The following EHD3 variants were observed in gnomAD, a reference collection of about 807,000 sequenced individuals.
The protein encoded by EHD3 is EH domain-containing protein 3.
EHD3 carries 17 observed loss-of-function variants against 43.0 expected under a neutral mutation model. That is an observed-to-expected ratio of 0.40 (90% confidence interval 0.27 to 0.59). The LOEUF is 0.59. Among genes scored for constraint, EHD3 ranks in the 20% least tolerant of loss-of-function variants. EHD3 has a pLI of 0.49. For missense variants in EHD3, 594 were observed against 705.6 expected, an observed-to-expected ratio of 0.84 and a Z score of 1.79; for synonymous variants, 313 against 289.5, an observed-to-expected ratio of 1.08 and a Z score of -0.82.
At chr2:31,265,422 A>G (rs894641242) in intron 5 of EHD3, among the ~76,000 whole-genome samples, 30 of 152,214 alleles carry the variant, frequency 2.0e-4, no homozygotes, top group African/African-American at 7.2e-4. Flanking sequence ...ACCAGGCAAC[A>G]GGAATTTCCC....
chr2:31,258,318 T>C (rs919554450), intron 3 of EHD3, among the ~76,000 whole-genome samples: 11 of 152,046 alleles, frequency 7.2e-5, no homozygotes, highest in Admixed American at 7.2e-4. Flanking sequence ...GACCGTCTGA[T>C]CCCATCCCCC....
chr2:31,267,205 G>A lies in EHD3; in HGVS notation c.*501G>A, dbSNP rs1408455166. 6.5e-6 allele frequency: 1 copy of A among 154,802 alleles called. No individual in the cohort carries two copies. The highest frequency in any genetic ancestry group is 1.9e-4 in the East Asian group (1 of 5,252). 9.6% of individuals were successfully genotyped at this position (154,802 alleles called of 1,614,324 possible). ...TCTGAGGGCAGGCGGGCAGCTGCAG[G>A]GAGGAGAGGTGAGAAAGGAAGCGTC... On this transcript the variant is annotated 3_prime_UTR_variant, in exon 6 of 6. Coordinates refer to ENST00000322054, the MANE Select transcript of EHD3 (RefSeq NM_014600.3).
intron 1 of EHD3, among the ~76,000 whole-genome samples, chr2:31,239,847 C>CTA (rs72026689): frequency 1.4e-4 from 1 of 7,096 alleles, no homozygotes; most frequent in African/African-American, 2.3e-3. Context: ...CTCGAGCTGA[C>CTA]TCTAACAGGA....
intron 5 of EHD3, 80 bp downstream of exon 5, chr2:31,261,793 T>C (rs959790592): frequency 1.3e-6 from 2 of 1,532,410 alleles, no homozygotes; most frequent in East Asian, 2.3e-5. Context: ...AGGAGGCCAC[T>C]CTTGGAGCCC....
At chr2:31,254,051 C>T (rs946026891) in intron 3 of EHD3, among the ~76,000 whole-genome samples, 4 of 152,182 alleles carry the variant, frequency 2.6e-5, no homozygotes, top group Admixed American at 6.5e-5. Flanking sequence ...TCACAGACTG[C>T]ACAGCTTGAA....
At chr2:31,251,752 G>T (rs1251423863) in intron 3 of EHD3, among the ~76,000 whole-genome samples, 2 of 152,158 alleles carry the variant, frequency 1.3e-5, no homozygotes, top group Non-Finnish European at 2.9e-5. Context: ...CTTCCAGCCA[G>T]CACGCACGCT....
At chr2:31,237,917 T>C (rs1015400943) in intron 1 of EHD3, among the ~76,000 whole-genome samples, 2 of 152,228 alleles carry the variant, frequency 1.3e-5, no homozygotes, top group African/African-American at 4.8e-5. Flanking sequence ...TTAGGCTATT[T>C]CTAATTTTTT....
intron 1 of EHD3, among the ~76,000 whole-genome samples, chr2:31,244,048 AAAGAT>A (rs1161646020): frequency 6.6e-6 from 1 of 152,180 alleles, no homozygotes; most frequent in Non-Finnish European, 1.5e-5. Context: ...AGAAAGGGAA[AAAGAT>A]AAGGACCAAA....
At chr2:31,256,282 T>A (rs889136520) in intron 3 of EHD3, among the ~76,000 whole-genome samples, 1 of 152,208 alleles carries the variant, frequency 6.6e-6, no homozygotes, top group Admixed American at 6.5e-5. Context: ...AGGTCACAGC[T>A]CAGCAGTTTC....
rs758488379 is a variant in EHD3, at chr2:31,266,508, T to C, written c.1412T>C (p.Met471Thr). The change falls in exon 6 of 6, where the codon ATG becomes ACG. Residue 471 changes from methionine to threonine, a missense_variant. By Grantham distance (81) the Met-to-Thr change is moderately conservative (BLOSUM62 -1). Transcript: ENST00000322054. This position sits in a 1 kb window ranked among gnomAD's most constrained non-coding sequence, Gnocchi z 5.1. The stretch of plus-strand genomic sequence containing the variant: ...ACAGGCGCTAATGCCAAGAAGGAGA[T>C]GGTGCGCTCCAAGCTGCCCAACAGT... The part of the protein sequence containing the change: ...KITGANAKKE[M>T]VRSKLPNSVL... 7 of 1,614,050 alleles carry C rather than the reference T, an allele frequency of 4.3e-6. No homozygotes were observed. Among genetic ancestry groups the C allele is most frequent in the African/African-American group, 1.3e-5 (1 of 74,996 alleles).
rs372164901 is a variant in EHD3, at chr2:31,252,982, G to A, written c.502+3514G>A. Among the ~76,000 whole-genome samples, 143 of 152,226 alleles carry A rather than the reference G, an allele frequency of 9.4e-4. 1 individual carries two copies. In the South Asian group the frequency reaches 0.028, roughly 30 times the overall value. On this transcript the variant is annotated intron_variant, in intron 3 of 5. Coordinates refer to ENST00000322054, the MANE Select transcript of EHD3 (RefSeq NM_014600.3). ...GCACCCTGAGGAGACCAGGACAGTTGGGGGAAGGGCGTCAGACACCCTCAG... is the reference window on the plus strand; with the variant it reads ...GCACCCTGAGGAGACCAGGACAGTTAGGGGAAGGGCGTCAGACACCCTCAG...
intron 3 of EHD3, among the ~76,000 whole-genome samples, chr2:31,250,845 G>A (rs1279690138): frequency 6.6e-6 from 1 of 152,168 alleles, no homozygotes; most frequent in East Asian, 1.9e-4. Context: ...GGGTTCTCTG[G>A]GAAGCAGCTA....
rs1683975687 is a variant in EHD3, at chr2:31,267,396, A to G, written c.*692A>G. 1 of 152,380 alleles carries G rather than the reference A, an allele frequency of 6.6e-6. No individual in the cohort carries two copies. Among genetic ancestry groups the G allele is most frequent in the African/African-American group, 2.4e-5 (1 of 41,460 alleles). 9.4% of individuals were successfully genotyped at this position (152,380 alleles called of 1,614,324 possible). A position where few individuals can be genotyped will look rare whatever the true frequency, so the allele number is the denominator to read the frequency against. On this transcript the variant is annotated 3_prime_UTR_variant, in exon 6 of 6. Transcript: ENST00000322054. ...GAGTGAGGAAATTGTCCTGTAGTCT[A>G]TTGAAAACCAGTCAAGGTGGTTTTA... is the stretch of plus-strand genomic sequence containing the variant.
rs774988428 is a variant in EHD3, at chr2:31,266,756, G to T, written c.*52G>T. ...AGTGTTAGAGGAGGAGATGGGAGCG[G>T]TGACTACACACACACACACACACAC... On this transcript the variant is annotated 3_prime_UTR_variant, in exon 6 of 6. Coordinates refer to ENST00000322054, the MANE Select transcript of EHD3 (RefSeq NM_014600.3). This position sits in a 1 kb window ranked among gnomAD's most constrained non-coding sequence, Gnocchi z 5.1. The T allele has an allele frequency of 1.4e-6, 2 of 1,468,624 alleles. No individual in the cohort carries two copies. Among genetic ancestry groups the T allele is most frequent in the South Asian group, 2.5e-5 (2 of 78,822 alleles). The allele number at this position is 1,468,624 out of a possible 1,614,324, so 91.0% of individuals were successfully genotyped here. A position where few individuals can be genotyped will look rare whatever the true frequency, so the allele number is the denominator to read the frequency against.
At chr2:31,249,566 T>G in intron 3 of EHD3, 98 bp downstream of exon 3, 2 of 1,067,188 alleles carry the variant, frequency 1.9e-6, no homozygotes, top group Non-Finnish European at 2.8e-6. Context: ...GGCCATGCTG[T>G]CCCTTGGTGA....
chr2:31,257,955 C>A (rs1639553768), intron 3 of EHD3, among the ~76,000 whole-genome samples: 1 of 152,160 alleles, frequency 6.6e-6, no homozygotes, highest in Non-Finnish European at 1.5e-5. Flanking sequence ...CCAGCTCTGC[C>A]CCTTCCTGAG....
In EHD3 at chr2:31,260,553, T is replaced by A; in HGVS notation, c.546T>A (p.Val182=). ...TCCTTGAGTGGTTTGCCGAGCGGGTTGACCGCATCATTCTGCTCTTCGATG... is the reference window on the plus strand; with the variant it reads ...TCCTTGAGTGGTTTGCCGAGCGGGTAGACCGCATCATTCTGCTCTTCGATG... ...AAVLEWFAER[V]DRIILLFDAH... Residue 182 remains valine (V), a synonymous_variant, in exon 4 of 6, where the codon GTT becomes GTA. Transcript: ENST00000322054. This position sits in a 1 kb window ranked among gnomAD's most constrained non-coding sequence, Gnocchi z 4.6. 1 of 1,613,248 alleles carries A rather than the reference T, an allele frequency of 6.2e-7. No individual in the cohort carries two copies. Among genetic ancestry groups the A allele is most frequent in the Non-Finnish European group, 8.5e-7 (1 of 1,179,352 alleles).
In EHD3 at chr2:31,234,447, G is replaced by A. The variant is rs1683284161; in HGVS notation, c.-175G>A. 14 of 653,332 alleles carry A rather than the reference G, an allele frequency of 2.1e-5. 1 individual carries two copies. The South Asian group carries it at 2.7e-4, about 13-fold the overall frequency. 40.5% of individuals were successfully genotyped at this position (653,332 alleles called of 1,614,324 possible). On this transcript the variant is annotated 5_prime_UTR_variant, in exon 1 of 6. Transcript: ENST00000322054. ...GGCTGGGCTTGGTCCCAGGAGCAGGGAGAGTGCGCTCCCGGCCCTCCTAGC... is the reference window on the plus strand; with the variant it reads ...GGCTGGGCTTGGTCCCAGGAGCAGGAAGAGTGCGCTCCCGGCCCTCCTAGC...
Position 31,234,767 on chromosome 2 carries a change from CCCT to C in EHD3, c.147_149del (p.Leu50del), listed in dbSNP as rs763760745. The C allele has an allele frequency of 1.9e-6, 3 of 1,614,074 alleles. No homozygotes were observed. The highest frequency in any genetic ancestry group is 2.5e-6 in the Non-Finnish European group (3 of 1,180,038). ...CGCTTCCACGAGTTCCACTCGCCCG[CCCT>C]GGAGGATGCCGACTTCGACAACAAG... On this transcript the variant is annotated inframe_deletion, in exon 1 of 6. Transcript: ENST00000322054.
Sources: gnomAD v4.1 joint callset for allele counts (sites outside exome capture counted in the v4.1 genomes callset) on GRCh38, gnomAD v4.1.1 for gene constraint, Gnocchi (gnomAD v3.1) non-coding constraint, MANE v1.5 for transcripts, NCBI Gene and HGNC (gene_info 2026-07-23, HGNC 2026-07-21) for gene names.